SUGT1: variants seen among roughly 807,000 people sequenced by gnomAD.
SUGT1 encodes protein SGT1 homolog.
SUGT1 carries 15 observed loss-of-function variants against 56.1 expected under a neutral mutation model. That is an observed-to-expected ratio of 0.27 (90% CI 0.18 to 0.41). The LOEUF is 0.41. SUGT1 is among the 10% of genes least tolerant of loss of function. The pLI, the probability that SUGT1 is intolerant of heterozygous loss-of-function variation, is 1.00. For synonymous variants in SUGT1, 123 were observed against 128.6 expected, an observed-to-expected ratio of 0.96 and a Z score of 0.30; for missense variants, 347 against 382.2, an observed-to-expected ratio of 0.91 and a Z score of 0.77.
intron 10 of SUGT1, among the ~76,000 whole-genome samples, chr13:52,667,725 A>G (rs1024006939): frequency 2.6e-5 from 4 of 152,182 alleles, no homozygotes; most frequent in Non-Finnish European, 5.9e-5. Context: ...CACTCAAAAG[A>G]TGTAGATAAT....
At position 52,690,390 on chromosome 13, in the gene SUGT1, A is replaced by G. The variant is rs1963742806; in HGVS notation, c.*2555A>G. The G allele has an allele frequency of 2.1e-5, 1 of 48,050 alleles. No homozygotes were observed. Among genetic ancestry groups the G allele is most frequent in the Non-Finnish European group, 3.8e-5 (1 of 26,004 alleles). 3.0% of individuals were successfully genotyped at this position (48,050 alleles called of 1,614,324 possible). A position where few individuals can be genotyped will look rare whatever the true frequency, so the allele number is the denominator to read the frequency against. On this transcript the variant is annotated 3_prime_UTR_variant, in exon 13 of 13. Transcript: ENST00000310528. ...TCTTTGTTTCTAGACTCCAATTTTCATTTCTCAAATTTTGGTTCTCAGTGC... is the reference window on the plus strand; with the variant it reads ...TCTTTGTTTCTAGACTCCAATTTTCGTTTCTCAAATTTTGGTTCTCAGTGC...
rs117873828 is a variant in SUGT1, at chr13:52,676,612, G to A, written c.718+292G>A. On this transcript the variant is annotated intron_variant, in intron 11 of 12. Coordinates refer to ENST00000310528, the MANE Select transcript of SUGT1 (RefSeq NM_006704.5). ...TGGAGGGTGTTTAGTTTTGCGTGTT[G>A]GCCCTTCCTGTTGTTTCTTTTTGGG... 2.7e-4 allele frequency among the ~76,000 whole-genome samples: 41 copies of A among 152,164 alleles called. 1 individual carries two copies. The East Asian group carries it at 7.6e-3, about 28-fold the overall frequency.
Position 52,658,217 on chromosome 13 carries a change from C to CAAA in SUGT1, c.188-180_188-178dup. On this transcript the variant is annotated intron_variant, in intron 3 of 12. Coordinates refer to ENST00000310528, the MANE Select transcript of SUGT1 (RefSeq NM_006704.5). ...TTAAGAAGGAAGCTAAATGTTAAGCCAAAAGGAAGGTACAAGAGTAATATT... is the reference window on the plus strand; with the variant it reads ...TTAAGAAGGAAGCTAAATGTTAAGCCAAAAAAAGGAAGGTACAAGAGTAATATT... 2.6e-6 allele frequency: 4 copies of CAAA among 1,510,798 alleles called. No individual in the cohort carries two copies. The South Asian group carries it at 3.7e-5, about 14-fold the overall frequency. The allele number at this position is 1,510,798 out of a possible 1,614,324, so 93.6% of individuals were successfully genotyped here. A position where few individuals can be genotyped will look rare whatever the true frequency, so the allele number is the denominator to read the frequency against.
intron 5 of SUGT1, chr13:52,661,326 C>G (rs942868771): frequency 6.6e-6 from 1 of 151,126 alleles, no homozygotes; most frequent in African/African-American, 2.4e-5. Context: ...TTGTTTGTTT[C>G]TTTTTTTGAG....
rs1421266590 is a variant in SUGT1 at position 52,688,789 on chromosome 13, A to C, written c.*954A>C. ...TGATTATTAACTTCAAAGAGCTTAT[A>C]AATGTAGCAGGGAAAAAAAATAACA... On this transcript the variant is annotated 3_prime_UTR_variant, in exon 13 of 13. Transcript: ENST00000310528. The C allele has an allele frequency of 6.6e-6, 1 of 152,208 alleles. No homozygotes were observed. Among genetic ancestry groups the C allele is most frequent in the Non-Finnish European group, 1.5e-5 (1 of 68,044 alleles). 9.4% of individuals were successfully genotyped at this position (152,208 alleles called of 1,614,324 possible). A position where few individuals can be genotyped will look rare whatever the true frequency, so the allele number is the denominator to read the frequency against.
Position 52,694,464 on chromosome 13 carries a change from A to G in SUGT1, c.*6629A>G, listed in dbSNP as rs1024573721. The G allele has an allele frequency of 6.6e-6, 1 of 152,248 alleles. No individual in the cohort carries two copies. Among genetic ancestry groups the G allele is most frequent in the Admixed American group, 6.5e-5 (1 of 15,284 alleles). The allele number at this position is 152,248 out of a possible 1,614,324, so 9.4% of individuals were successfully genotyped here. A position where few individuals can be genotyped will look rare whatever the true frequency, so the allele number is the denominator to read the frequency against. ...ATTATGTAAGTATTGTCAGCACTTTATAAAGAATCGTAAAATAAAATAGTG... is the reference window on the plus strand; with the variant it reads ...ATTATGTAAGTATTGTCAGCACTTTGTAAAGAATCGTAAAATAAAATAGTG... On this transcript the variant is annotated 3_prime_UTR_variant, in exon 13 of 13. Transcript: ENST00000310528.
chr13:52,653,738 T>C (rs1962030104), intron 2 of SUGT1, among the ~76,000 whole-genome samples: 2 of 152,144 alleles, frequency 1.3e-5, no homozygotes, highest in Non-Finnish European at 2.9e-5. Context: ...ATGTAAAAGA[T>C]CAAGAGTTAA....
rs1260503594 is a variant in SUGT1 at position 52,689,652 on chromosome 13, T to C, written c.*1817T>C. On this transcript the variant is annotated 3_prime_UTR_variant, in exon 13 of 13. Transcript: ENST00000310528. ...ATATTTTTGCCGCTTAACTTTTTCT[T>C]TCTTAAAGATGACACTATTAAAATA... is the stretch of plus-strand genomic sequence containing the variant. 1 of 152,198 alleles carries C rather than the reference T, an allele frequency of 6.6e-6. No individual in the cohort carries two copies. The highest frequency in any genetic ancestry group is 1.5e-5 in the Non-Finnish European group (1 of 68,048). The allele number at this position is 152,198 out of a possible 1,614,324, so 9.4% of individuals were successfully genotyped here. A position where few individuals can be genotyped will look rare whatever the true frequency, so the allele number is the denominator to read the frequency against.
rs1170126538 is a variant in SUGT1 at position 52,662,715 on chromosome 13, C to T, written c.382+13C>T. ...GAAGCTCAGAATGGTATGTGGGTCT[C>T]CCTTGGTATTTGTTTCAATTTAAAA... is the stretch of plus-strand genomic sequence containing the variant. On this transcript the variant is annotated intron_variant, in intron 6 of 12. Transcript: ENST00000310528. 1 of 1,607,440 alleles carries T rather than the reference C, an allele frequency of 6.2e-7. No homozygotes were observed. The highest frequency in any genetic ancestry group is 1.3e-5 in the African/African-American group (1 of 74,370).
intron 10 of SUGT1, among the ~76,000 whole-genome samples, chr13:52,671,637 G>T (rs185354866): frequency 1.7e-4 from 26 of 152,248 alleles, no homozygotes; most frequent in African/African-American, 6.3e-4. Context: ...TGAGGATATT[G>T]ATAATAGCAT....
chr13:52,666,888 A>C lies in SUGT1; in HGVS notation c.596A>C (p.Glu199Ala). 1 of 1,613,150 alleles carries C rather than the reference A, an allele frequency of 6.2e-7. No homozygotes were observed. Among genetic ancestry groups the C allele is most frequent in the Non-Finnish European group, 8.5e-7 (1 of 1,179,562 alleles). ...GAACTTCTTCATCCTATAATACCAGAACAGAGCACGTTTAAAGTACTTTCA... is the reference window on the plus strand; with the variant it reads ...GAACTTCTTCATCCTATAATACCAGCACAGAGCACGTTTAAAGTACTTTCA... ...KLELLHPIIP[E>A]QSTFKVLSTK... is the part of the protein sequence containing the mutation. The change falls in exon 10 of 13, where the codon GAA becomes GCA. Residue 199 changes from glutamate (E) to alanine (A), a missense_variant. Physicochemically the swap from Glu to Ala is moderately radical, Grantham distance 107 (BLOSUM62 -1). Transcript: ENST00000310528.
rs1382844400 is a variant in SUGT1, at chr13:52,688,920, T to C, written c.*1085T>C. ...AAATTGTTTACAGTCTAGGCTGTTATAAAGTATAGACTATGGATGACCTGT... is the reference window on the plus strand; with the variant it reads ...AAATTGTTTACAGTCTAGGCTGTTACAAAGTATAGACTATGGATGACCTGT... On this transcript the variant is annotated 3_prime_UTR_variant, in exon 13 of 13. Transcript: ENST00000310528. 4 of 152,220 alleles carry C rather than the reference T, an allele frequency of 2.6e-5. No homozygotes were observed. Among genetic ancestry groups the C allele is most frequent in the African/African-American group, 7.2e-5 (3 of 41,462 alleles). 9.4% of individuals were successfully genotyped at this position (152,220 alleles called of 1,614,324 possible). A position where few individuals can be genotyped will look rare whatever the true frequency, so the allele number is the denominator to read the frequency against.
intron 12 of SUGT1, among the ~76,000 whole-genome samples, chr13:52,682,695 C>T (rs7330193): frequency 0.96 from 145,713 of 152,304 alleles, 69,722 homozygotes; most frequent in East Asian, 0.99. Flanking sequence ...AAGTTCCCCA[C>T]TGTGTTAGAT....
chr13:52,667,972 CTT>C (rs536634833), intron 10 of SUGT1, among the ~76,000 whole-genome samples: 1 of 144,378 alleles, frequency 6.9e-6, no homozygotes. Flanking sequence ...TCCATTACTA[CTT>C]TTTTTTTTTT....
At chr13:52,658,053 G>A (rs2138108320) in intron 3 of SUGT1, 12 of 1,182,740 alleles carry the variant, frequency 1.0e-5, no homozygotes, top group Non-Finnish European at 1.3e-5. Context: ...AAGACCACCT[G>A]TATTTAAAAA....
In SUGT1 at chr13:52,696,989, T is replaced by TTA. The variant is rs1278767618; in HGVS notation, c.*9154_*9155insTA. 1 of 150,438 alleles carries TTA rather than the reference T, an allele frequency of 6.6e-6. No homozygotes were observed. The highest frequency in any genetic ancestry group is 1.5e-5 in the Non-Finnish European group (1 of 67,608). The allele number at this position is 150,438 out of a possible 1,614,324, so 9.3% of individuals were successfully genotyped here. The stretch of plus-strand genomic sequence containing the variant: ...GAGGGGTGTCCTGATTTATTTTATT[T>TTA]ATTTTATTTATTTATTTTTATTTTT... On this transcript the variant is annotated 3_prime_UTR_variant, in exon 13 of 13. Transcript: ENST00000310528.
chr13:52,663,055 GCA>G, intron 6 of SUGT1, 39 bp from the exon 7 acceptor site: 1 of 1,599,888 alleles, frequency 6.3e-7, no homozygotes, highest in Non-Finnish European at 8.5e-7. Flanking sequence ...GCTTAAAAAT[GCA>G]CTGTTCCCTG....
At position 52,700,520 on chromosome 13, in the gene SUGT1, C is replaced by G. The variant is rs1033974872; in HGVS notation, c.*12685C>G. 4 of 152,068 alleles carry G rather than the reference C, an allele frequency of 2.6e-5. No individual in the cohort carries two copies. The highest frequency in any genetic ancestry group is 5.9e-5 in the Non-Finnish European group (4 of 68,006). The allele number at this position is 152,068 out of a possible 1,614,324, so 9.4% of individuals were successfully genotyped here. On this transcript the variant is annotated 3_prime_UTR_variant, in exon 13 of 13. Coordinates refer to ENST00000310528, the MANE Select transcript of SUGT1 (RefSeq NM_006704.5). ...TGGACTTTCTCAAAATGAAGTACAC[C>G]TATATATGCATATAGTATATGAGCA...
intron 2 of SUGT1, among the ~76,000 whole-genome samples, chr13:52,653,699 A>G (rs9536220): frequency 4.6e-5 from 7 of 152,104 alleles, no homozygotes; most frequent in Admixed American, 6.5e-5. Flanking sequence ...TAGGTGTGCA[A>G]TGAAGGCAAA....
Sources: allele counts gnomAD v4.1 joint callset (sites outside exome capture counted in the v4.1 genomes callset), GRCh38; gene constraint gnomAD v4.1.1; transcripts MANE v1.5; gene names NCBI Gene and HGNC (gene_info 2026-07-23, HGNC 2026-07-21).